Variants in TENM3 observed in about 807,000 individuals in gnomAD.
The protein encoded by TENM3 is teneurin-3.
Under a neutral mutation model 255.1 loss-of-function variants are expected in TENM3, and 63 were observed. The observed-to-expected ratio is 0.25, with a 90% CI of 0.20 to 0.30. TENM3 has a LOEUF of 0.30. Among genes scored for constraint, TENM3 ranks in the 10% least tolerant of loss-of-function variants. The pLI is 1.00. For missense variants in TENM3, 2,929 were observed against 3,461.1 expected (o/e 0.85, Z 3.86); for synonymous variants, 1,306 against 1,322.3 (o/e 0.99, Z 0.27).
chr4:182,081,238 T>A, the TENM3 span, among the ~76,000 whole-genome samples: 2 of 152,224 alleles, frequency 1.3e-5, no homozygotes, highest in African/African-American at 4.8e-5. Context: ...CCAAGAAGTT[T>A]CCAGAATTGA....
At chr4:181,522,906 A>G in the TENM3 span, 1 of 929,540 alleles carries the variant, frequency 1.1e-6, no homozygotes, top group Non-Finnish European at 1.7e-6. Context: ...TGTTGCTGGA[A>G]TTGTTGTGCT....
chr4:181,588,788 A>T, the TENM3 span, among the ~76,000 whole-genome samples: 1 of 152,312 alleles, frequency 6.6e-6, no homozygotes, highest in East Asian at 1.9e-4. Context: ...TGATTAGTTT[A>T]ATTTCCAAAT....
the TENM3 span, among the ~76,000 whole-genome samples, chr4:181,713,870 G>T: frequency 6.6e-6 from 1 of 152,062 alleles, no homozygotes; most frequent in Non-Finnish European, 1.5e-5. Context: ...CGGTGATCAA[G>T]GTACCCTTAG....
the TENM3 span, among the ~76,000 whole-genome samples, chr4:181,910,472 A>G: frequency 6.6e-6 from 1 of 151,194 alleles, no homozygotes; most frequent in Admixed American, 6.6e-5. Flanking sequence ...TGGGAGGTGG[A>G]GGTTGCAATG....
chr4:182,786,556 TA>T (rs79660444), intron 24 of TENM3, among the ~76,000 whole-genome samples: 2,372 of 71,056 alleles, frequency 0.033, 43 homozygotes, highest in Admixed American at 0.081. Context: ...GACCCCGTCT[TA>T]AAAAAAAAAA....
intron 1 of TENM3, among the ~76,000 whole-genome samples, chr4:182,150,766 A>C (rs539846200): frequency 6.6e-6 from 1 of 152,162 alleles, no homozygotes; most frequent in Non-Finnish European, 1.5e-5. Flanking sequence ...ATTTGTTAGA[A>C]TTCTTATGCT....
At chr4:182,210,710 C>A (rs1754968462) in intron 1 of TENM3, among the ~76,000 whole-genome samples, 1 of 151,530 alleles carries the variant, frequency 6.6e-6, no homozygotes, top group Non-Finnish European at 1.5e-5. Context: ...TTCCGATGCC[C>A]TGACTGGCAG....
chr4:182,756,494 T>C (rs184540006), intron 22 of TENM3, among the ~76,000 whole-genome samples: 5 of 152,322 alleles, frequency 3.3e-5, no homozygotes, highest in South Asian at 4.1e-4. Flanking sequence ...AAATGAGATA[T>C]GCAGAGATGG....
At chr4:182,270,474 G>C (rs1759544016) in intron 1 of TENM3, among the ~76,000 whole-genome samples, 1 of 152,146 alleles carries the variant, frequency 6.6e-6, no homozygotes, top group Non-Finnish European at 1.5e-5. Context: ...TTTAACGTTA[G>C]TGCTGGTCAA....
the TENM3 span, among the ~76,000 whole-genome samples, chr4:181,688,186 T>G: frequency 6.6e-6 from 1 of 152,282 alleles, no homozygotes; most frequent in African/African-American, 2.4e-5. Context: ...GTCATCACTT[T>G]CATCTACTTC....
At chr4:181,920,556 C>A in the TENM3 span, among the ~76,000 whole-genome samples, 2 of 152,064 alleles carry the variant, frequency 1.3e-5, no homozygotes, top group African/African-American at 4.8e-5. Context: ...CTGTTCATAT[C>A]CTTCGCCCAC....
the TENM3 span, among the ~76,000 whole-genome samples, chr4:181,527,134 A>C: frequency 6.6e-6 from 1 of 152,210 alleles, no homozygotes. Flanking sequence ...ATTGCAAAAC[A>C]GTTCCAATCT....
intron 23 of TENM3, among the ~76,000 whole-genome samples, chr4:182,774,512 A>G (rs1190166997): frequency 1.3e-5 from 2 of 152,204 alleles, no homozygotes; most frequent in East Asian, 3.9e-4. Context: ...GATCTTTGAC[A>G]GAAGATGCAG....
the TENM3 span, among the ~76,000 whole-genome samples, chr4:181,622,365 C>G: frequency 6.6e-6 from 1 of 152,080 alleles, no homozygotes; most frequent in African/African-American, 2.4e-5. Flanking sequence ...TTTCTTGAAA[C>G]CTTCTTCTTA....
the TENM3 span, among the ~76,000 whole-genome samples, chr4:181,613,470 G>T: frequency 5.0e-3 from 761 of 152,224 alleles, 8 homozygotes; most frequent in African/African-American, 0.018. Context: ...TCTTCTTTCA[G>T]ATGTCCTGGG....
In TENM3 at chr4:182,696,825, C is replaced by A. The variant is rs1394740638; in HGVS notation, c.2221+8474C>A. On this transcript the variant is annotated intron_variant, in intron 12 of 27. Transcript: ENST00000511685. The stretch of plus-strand genomic sequence containing the variant: ...TTTTCTCATTCTAAATACTTTTATA[C>A]CTGATTTCATTTTTATATTTTGATA... Among the ~76,000 whole-genome samples the A allele has an allele frequency of 2.0e-5, 3 of 151,876 alleles. No individual in the cohort carries two copies. In the South Asian group the frequency reaches 6.2e-4, roughly 32 times the overall value.
At chr4:181,526,007 G>A in the TENM3 span, among the ~76,000 whole-genome samples, 1 of 152,152 alleles carries the variant, frequency 6.6e-6, no homozygotes, top group Non-Finnish European at 1.5e-5. Context: ...AGAGAAGCAC[G>A]TTTTCTAGAA....
chr4:182,223,205 C>G (rs12503623), intron 1 of TENM3, among the ~76,000 whole-genome samples: 37,109 of 152,142 alleles, frequency 0.24, 5,023 homozygotes, highest in South Asian at 0.38. Context: ...AATCATCATT[C>G]ATATCCCTTC....
chr4:181,812,645 C>A, the TENM3 span, among the ~76,000 whole-genome samples: 1 of 152,184 alleles, frequency 6.6e-6, no homozygotes, highest in Non-Finnish European at 1.5e-5. Flanking sequence ...CTTGCAGACA[C>A]ATGAGTATCA....
Sources: allele counts gnomAD v4.1 joint callset (sites outside exome capture counted in the v4.1 genomes callset), GRCh38; gene constraint gnomAD v4.1.1; transcripts MANE v1.5; gene names NCBI Gene and HGNC (gene_info 2026-07-23, HGNC 2026-07-21).